The following ATAD5 variants were observed in gnomAD, a reference collection of about 807,000 sequenced individuals.
ATAD5 encodes ATPase family AAA domain containing 5, also known as ATPase family AAA domain-containing protein 5.
Under a neutral mutation model 176.9 loss-of-function variants are expected in ATAD5, and 58 were observed. That is an observed-to-expected ratio of 0.33 (90% CI 0.27 to 0.41). ATAD5 has a LOEUF of 0.41. ATAD5 is among the 10% of genes least tolerant of loss of function. The pLI is 1.00. For synonymous variants in ATAD5, 640 were observed against 712.6 expected (o/e 0.90, Z 1.62); for missense variants, 1,789 against 2,094.1 (o/e 0.85, Z 2.84).
At position 30,865,136 on chromosome 17, in the gene ATAD5, TAAA is replaced by T. The variant is rs869203389; in HGVS notation, c.3137-557_3137-555del. Among the ~76,000 whole-genome samples, 282 of 136,318 alleles carry T rather than the reference TAAA, an allele frequency of 2.1e-3. 1 individual carries two copies. The highest frequency in any genetic ancestry group is 7.1e-3 in the African/African-American group (266 of 37,586). 89.4% of individuals were successfully genotyped at this position (136,318 alleles called of 152,430 possible). A position where few individuals can be genotyped will look rare whatever the true frequency, so the allele number is the denominator to read the frequency against. On this transcript the variant is annotated intron_variant, in intron 10 of 22. Coordinates refer to ENST00000321990, the MANE Select transcript of ATAD5 (RefSeq NM_024857.5). The stretch of plus-strand genomic sequence containing the variant: ...TGATTGCTGGGCCAGATGGTAATCC[TAAA>T]AAAAAAAAAACCAATGTTTAAGTGT...
rs555524131 is a variant in ATAD5, at chr17:30,839,746, TA to T, written c.2077-869del. Among the ~76,000 whole-genome samples the T allele has an allele frequency of 2.0e-3, 299 of 151,648 alleles. 1 individual carries two copies. Among genetic ancestry groups the T allele is most frequent in the African/African-American group, 6.8e-3 (283 of 41,340 alleles). ...ACAGACGCCCGCCACCAAGCCCAGC[TA>T]ATTTTTGTTATTTTTAGTAGAGACG... On this transcript the variant is annotated intron_variant, in intron 3 of 22. Coordinates refer to ENST00000321990, the MANE Select transcript of ATAD5 (RefSeq NM_024857.5).
intron 12 of ATAD5, 34 bp from the exon 13 acceptor site, chr17:30,869,214 T>C: frequency 1.3e-6 from 2 of 1,578,718 alleles, no homozygotes; most frequent in Non-Finnish European, 1.7e-6. Context: ...TCCTCAGCAA[T>C]TGTCATTTTA....
chr17:30,894,495 T>G, intron 21 of ATAD5, 69 bp from the exon 22 acceptor site: 1 of 1,468,192 alleles, frequency 6.8e-7, no homozygotes. Context: ...GAAACTAAAC[T>G]GGTTGTGATT....
At position 30,869,524 on chromosome 17, in the gene ATAD5, G is replaced by T; in HGVS notation, c.3485G>T (p.Arg1162Leu). 1 of 1,612,900 alleles carries T rather than the reference G, an allele frequency of 6.2e-7. No individual in the cohort carries two copies. The highest frequency in any genetic ancestry group is 8.5e-7 in the Non-Finnish European group (1 of 1,179,802). ...KIFEVNASSQ[R>L]SGRQILSQLK... ...TTTGAAGTGAATGCCTCTTCCCAGC[G>T]CAGTGGTAGACAAATTCTATCTCAG... is the stretch of plus-strand genomic sequence containing the variant. Residue 1162 changes from arginine (R) to leucine (L), a missense_variant, in exon 14 of 23, where the codon CGC (arginine) becomes CTC (leucine). Coordinates refer to ENST00000321990, the MANE Select transcript of ATAD5 (RefSeq NM_024857.5).
chr17:30,857,716 A>G (rs552370881), intron 8 of ATAD5, among the ~76,000 whole-genome samples: 167 of 151,952 alleles, frequency 1.1e-3, no homozygotes, highest in Non-Finnish European at 1.8e-3. Flanking sequence ...AATTCTTCAT[A>G]AGCTTTATAT....
In ATAD5 at chr17:30,877,531, T is replaced by G. The variant is rs1268506120; in HGVS notation, c.3900T>G (p.Ser1300=). The change falls in exon 16 of 23, where the codon TCT becomes TCG. Residue 1300 remains serine (S), a synonymous_variant. Coordinates refer to ENST00000321990, the MANE Select transcript of ATAD5 (RefSeq NM_024857.5). The part of the protein sequence containing the change: ...AEEPSRKNAT[S]LILFEEVDVI... Reference sequence around the variant, plus strand: ...AACCCAGCAGAAAAAATGCAACATCTCTTATTCTTTTTGAGGAGGTAGGCT... The same window carrying G: ...AACCCAGCAGAAAAAATGCAACATCGCTTATTCTTTTTGAGGAGGTAGGCT... 2.5e-6 allele frequency: 4 copies of G among 1,609,590 alleles called. No individual in the cohort carries two copies. Among genetic ancestry groups the G allele is most frequent in the Non-Finnish European group, 3.4e-6 (4 of 1,179,022 alleles).
At chr17:30,834,046 T>A in intron 1 of ATAD5, 102 bp from the exon 2 acceptor site, 3 of 1,038,078 alleles carry the variant, frequency 2.9e-6, no homozygotes, top group Non-Finnish European at 3.9e-6. Flanking sequence ...GGAGGCTTCC[T>A]TTTTTTAATC....
In ATAD5 at chr17:30,835,612, G is replaced by A. The variant is rs772662384; in HGVS notation, c.1531G>A (p.Glu511Lys). The A allele has an allele frequency of 4.3e-6, 7 of 1,611,354 alleles. No individual in the cohort carries two copies. In the Admixed American group the frequency reaches 1.2e-4, roughly 27 times the overall value. The part of the protein sequence containing the change: ...QKKETTFFLK[E>K]KQYQNRMSLR... The stretch of plus-strand genomic sequence containing the variant: ...GAAAGAAACAACCTTTTTCTTAAAA[G>A]AGAAACAATATCAAAATAGAATGAG... The change falls in exon 2 of 23, where the codon GAG becomes AAG. Residue 511 changes from glutamate (E) to lysine (K), a missense_variant. Glu to Lys is a moderately conservative substitution (Grantham distance 56, BLOSUM62 1). This residue lies in a region of ATAD5 where 696 missense variants were observed against 712.5 expected (regional missense o/e 0.98). Transcript: ENST00000321990.
In ATAD5 at chr17:30,893,578, T is replaced by C. The variant is rs574066351; in HGVS notation, c.4725T>C (p.Asp1575=). ...AGAAAACATTGGTAATATTAGATGA[T>C]AGTGATCTATTTGACACTGACTTGG... is the stretch of plus-strand genomic sequence containing the variant. The part of the protein sequence containing the change: ...KQKKTLVILD[D]SDLFDTDLDF... The change falls in exon 21 of 23, where the codon GAT becomes GAC. Residue 1575 remains aspartate (D), a synonymous_variant. Coordinates refer to ENST00000321990, the MANE Select transcript of ATAD5 (RefSeq NM_024857.5). 5 of 1,613,716 alleles carry C rather than the reference T, an allele frequency of 3.1e-6. No homozygotes were observed. In the African/African-American group the frequency reaches 4.0e-5, roughly 13 times the overall value.
intron 3 of ATAD5, 133 bp downstream of exon 3, chr17:30,837,447 A>G (rs1483497855): frequency 4.9e-6 from 3 of 615,984 alleles, no homozygotes; most frequent in South Asian, 4.0e-5. Context: ...GTTAACTACA[A>G]CCCTATGATA....
At position 30,834,322 on chromosome 17, in the gene ATAD5, G is replaced by C; in HGVS notation, c.241G>C (p.Glu81Gln). ...PTNEKTQLGK[E>Q]CKIKSPESVP... ...AAATGAGAAGACACAATTAGGGAAA[G>C]AGTGCAAGATAAAGTCACCTGAATC... The change falls in exon 2 of 23, where the codon GAG becomes CAG. Residue 81 changes from glutamate (E) to glutamine (Q), a missense_variant. Glu to Gln is a conservative substitution (Grantham distance 29). Around this residue, in one of 6 missense-constraint regions of ATAD5, gnomAD observed 696 missense variants for 712.5 expected, o/e 0.98. Transcript: ENST00000321990. 2 of 1,613,242 alleles carry C rather than the reference G, an allele frequency of 1.2e-6. No homozygotes were observed. The highest frequency in any genetic ancestry group is 1.7e-6 in the Non-Finnish European group (2 of 1,179,738).
chr17:30,870,224 C>T (rs1908259031), intron 14 of ATAD5, among the ~76,000 whole-genome samples: 2 of 152,352 alleles, frequency 1.3e-5, no homozygotes, highest in South Asian at 4.1e-4. Context: ...AAACAAGGTT[C>T]ATATCTTACA....
chr17:30,887,140 C>A, intron 18 of ATAD5, 52 bp from the exon 19 acceptor site: 1 of 1,424,854 alleles, frequency 7.0e-7, no homozygotes, highest in Non-Finnish European at 9.4e-7. Flanking sequence ...TGTATTATTG[C>A]TGTATCTATT....
chr17:30,846,159 T>G (rs1906485412), intron 6 of ATAD5, among the ~76,000 whole-genome samples: 1 of 152,180 alleles, frequency 6.6e-6, no homozygotes, highest in South Asian at 2.1e-4. Context: ...CACCACAAGA[T>G]TACCAAAATA....
chr17:30,861,931 T>C (rs1481394850), intron 10 of ATAD5: 1 of 151,910 alleles, frequency 6.6e-6, no homozygotes, highest in African/African-American at 2.4e-5. Context: ...AATTTTTTTT[T>C]TTTTTTTGGT....
chr17:30,875,302 G>T (rs556874494), intron 14 of ATAD5, among the ~76,000 whole-genome samples: 1 of 152,028 alleles, frequency 6.6e-6, no homozygotes, highest in Non-Finnish European at 1.5e-5. Flanking sequence ...TTTTAACTTC[G>T]TATCTATCTT....
chr17:30,877,538 C>T lies in ATAD5; in HGVS notation c.3907C>T (p.Leu1303Phe). 1 of 1,608,886 alleles carries T rather than the reference C, an allele frequency of 6.2e-7. No individual in the cohort carries two copies. Among genetic ancestry groups the T allele is most frequent in the Non-Finnish European group, 8.5e-7 (1 of 1,178,802 alleles). ...CAGAAAAAATGCAACATCTCTTATTCTTTTTGAGGAGGTAGGCTTATAGAA... is the reference window on the plus strand; with the variant it reads ...CAGAAAAAATGCAACATCTCTTATTTTTTTTGAGGAGGTAGGCTTATAGAA... ...PSRKNATSLILFEEVDVIFDE... is the reference protein window; with the variant it reads ...PSRKNATSLIFFEEVDVIFDE... The change falls in exon 16 of 23, where the codon CTT (leucine) becomes TTT (phenylalanine). Residue 1303 changes from leucine (L) to phenylalanine (F), a missense_variant. Leu to Phe is a conservative substitution (Grantham distance 22). Transcript: ENST00000321990.
intron 6 of ATAD5, among the ~76,000 whole-genome samples, chr17:30,852,708 G>A (rs1347023718): frequency 1.3e-5 from 2 of 152,006 alleles, no homozygotes; most frequent in African/African-American, 2.4e-5. Context: ...GTCACATGGC[G>A]AGAGAAGTGG....
Position 30,895,198 on chromosome 17 carries a change from A to T in ATAD5, c.*285A>T, listed in dbSNP as rs1909846044. The T allele has an allele frequency of 1.3e-5, 3 of 235,484 alleles. No homozygotes were observed. The highest frequency in any genetic ancestry group is 2.4e-5 in the Non-Finnish European group (3 of 122,932). 14.6% of individuals were successfully genotyped at this position (235,484 alleles called of 1,614,324 possible). ...CTGGAAGGTAGAGTTCATTAAGATGAACTCCCTATTTCAAGTGTTTATATT... is the reference window on the plus strand; with the variant it reads ...CTGGAAGGTAGAGTTCATTAAGATGTACTCCCTATTTCAAGTGTTTATATT... On this transcript the variant is annotated 3_prime_UTR_variant, in exon 23 of 23. Transcript: ENST00000321990.
Sources: gnomAD v4.1 joint callset for allele counts (sites outside exome capture counted in the v4.1 genomes callset) on GRCh38, gnomAD v4.1.1 for gene constraint, gnomAD v4.1.1 regional missense constraint, MANE v1.5 for transcripts, NCBI Gene and HGNC (gene_info 2026-07-23, HGNC 2026-07-21) for gene names.